Variants in BNC1 observed in about 807,000 individuals in gnomAD.
The protein encoded by BNC1 is zinc finger protein basonuclin-1.
A neutral mutation model predicts 66.5 loss-of-function variants in BNC1; 8 were observed. That is an observed-to-expected ratio of 0.12 (90% CI 0.07 to 0.22). The LOEUF (loss-of-function observed/expected upper bound fraction) is 0.22. Among genes scored for constraint, BNC1 ranks in the 10% least tolerant of loss-of-function variants. The probability of loss-of-function intolerance (pLI) is 1.00; values close to 1 mark genes in which losing one functional copy is unlikely to be tolerated. For missense variants in BNC1, 1,069 were observed against 1,241.3 expected (o/e 0.86, Z 2.09); for synonymous variants, 454 against 452.6 (o/e 1.00, Z -0.04).
At chr15:83,277,925 T>G (rs1291920540) in intron 1 of BNC1, among the ~76,000 whole-genome samples, 1 of 151,722 alleles carries the variant, frequency 6.6e-6, no homozygotes, top group Non-Finnish European at 1.5e-5. Flanking sequence ...AGAACTGGAT[T>G]TTTTTTTTCT....
chr15:83,284,125 A>AC (rs1293694319), intron 1 of BNC1, among the ~76,000 whole-genome samples: 1 of 150,338 alleles, frequency 6.7e-6, no homozygotes, highest in African/African-American at 2.4e-5. Flanking sequence ...GAAGGGGTCG[A>AC]CCCCCACAGG....
At chr15:83,283,223 T>C (rs1455858453) in intron 1 of BNC1, 13 of 1,535,560 alleles carry the variant, frequency 8.5e-6, no homozygotes, top group African/African-American at 4.1e-5. Flanking sequence ...TTGTGAAAGT[T>C]TGGCTCGGAG....
intron 1 of BNC1, among the ~76,000 whole-genome samples, chr15:83,280,793 G>A (rs920210777): frequency 6.6e-6 from 1 of 152,166 alleles, no homozygotes; most frequent in African/African-American, 2.4e-5. Flanking sequence ...ATCTGTAGGA[G>A]ACCATCAAAC....
intron 1 of BNC1, among the ~76,000 whole-genome samples, chr15:83,282,003 A>G (rs938482824): frequency 3.9e-5 from 6 of 152,256 alleles, no homozygotes; most frequent in Non-Finnish European, 7.3e-5. Context: ...GTTAGTCAAT[A>G]TTTCTAATGA....
In BNC1 at chr15:83,283,341, T is replaced by G; in HGVS notation, c.99+1189A>C. 3.5e-6 allele frequency: 5 copies of G among 1,428,050 alleles called. No homozygotes were observed. The South Asian group carries it at 7.0e-5, about 20-fold the overall frequency. 88.5% of individuals were successfully genotyped at this position (1,428,050 alleles called of 1,614,324 possible). ...CGGCAAAGCCAGGCGGCGGCGGGGC[T>G]CCGGGTCTGGGCGGCGGCTCCGGAG... On this transcript the variant is annotated intron_variant, in intron 1 of 4. Coordinates refer to ENST00000345382, the MANE Select transcript of BNC1 (RefSeq NM_001717.4).
rs913021232 is a variant in BNC1 at position 83,280,450 on chromosome 15, G to A, written c.99+4080C>T. ...TAAGCAATGCAACTTCACTACTGCT[G>A]CTGATACAAAATAAAGACGAAATTG... is the stretch of plus-strand genomic sequence containing the variant. On this transcript the variant is annotated intron_variant, in intron 1 of 4. Coordinates refer to ENST00000345382, the MANE Select transcript of BNC1 (RefSeq NM_001717.4). 6.6e-5 allele frequency among the ~76,000 whole-genome samples: 10 copies of A among 152,184 alleles called. No individual in the cohort carries two copies. In the South Asian group the frequency reaches 2.1e-3, roughly 31 times the overall value.
rs2038068630 is a variant in BNC1, at chr15:83,255,936, ACATTTGTAT to A, written c.*1497_*1505del. 6.5e-6 allele frequency: 1 copy of A among 152,674 alleles called. No homozygotes were observed. Among genetic ancestry groups the A allele is most frequent in the Admixed American group, 6.5e-5 (1 of 15,290 alleles). 9.5% of individuals were successfully genotyped at this position (152,674 alleles called of 1,614,324 possible). On this transcript the variant is annotated 3_prime_UTR_variant, in exon 5 of 5. Transcript: ENST00000345382. ...ATATATTTTTATTAAATCATAGAAA[ACATTTGTAT>A]ACAAATCTTTTCACTTTGGGAAGAC... is the stretch of plus-strand genomic sequence containing the variant.
intron 1 of BNC1, among the ~76,000 whole-genome samples, chr15:83,268,480 A>G (rs997387339): frequency 2.6e-5 from 4 of 152,178 alleles, no homozygotes; most frequent in African/African-American, 4.8e-5. Context: ...AGAACTTTTT[A>G]TAAGAAAAGA....
intron 1 of BNC1, among the ~76,000 whole-genome samples, chr15:83,277,106 G>A (rs948275885): frequency 1.4e-4 from 21 of 152,106 alleles, no homozygotes; most frequent in Non-Finnish European, 2.4e-4. Context: ...TTGAGACAGG[G>A]TCTTGTTCTG....
intron 4 of BNC1, 146 bp from the exon 5 acceptor site, chr15:83,258,272 C>T: frequency 3.7e-6 from 3 of 813,990 alleles, no homozygotes; most frequent in Non-Finnish European, 5.6e-6. Context: ...TGGGATGTAA[C>T]ACCTGTCTGG....
intron 1 of BNC1, among the ~76,000 whole-genome samples, chr15:83,273,881 G>A (rs2038293245): frequency 6.6e-6 from 1 of 152,106 alleles, no homozygotes; most frequent in Non-Finnish European, 1.5e-5. Context: ...GACAGAGTAG[G>A]TCTCTCATGG....
At chr15:83,281,207 C>T (rs148660600) in intron 1 of BNC1, among the ~76,000 whole-genome samples, 1,648 of 152,250 alleles carry the variant, frequency 0.011, 31 homozygotes, top group African/African-American at 0.038. Flanking sequence ...AGGAAAAGGA[C>T]TTCAAAGAAT....
intron 1 of BNC1, among the ~76,000 whole-genome samples, chr15:83,280,668 T>C (rs1219479894): frequency 6.6e-6 from 1 of 152,128 alleles, no homozygotes; most frequent in African/African-American, 2.4e-5. Flanking sequence ...ACCTTCATAA[T>C]GAATAATGCA....
In BNC1 at chr15:83,282,874, ACACT is replaced by A. The variant is rs575056712; in HGVS notation, c.99+1652_99+1655del. Among the ~76,000 whole-genome samples the A allele has an allele frequency of 4.6e-3, 699 of 152,264 alleles. 4 individuals are homozygous for A. The highest frequency in any genetic ancestry group is 7.4e-3 in the Non-Finnish European group (500 of 68,016). ...CACATGTTCTCTCTCCCTCACACAC[ACACT>A]CTCTCTCTCCCTGACAGGGATTCCC... On this transcript the variant is annotated intron_variant, in intron 1 of 4. Coordinates refer to ENST00000345382, the MANE Select transcript of BNC1 (RefSeq NM_001717.4).
chr15:83,257,740 C>T lies in BNC1; in HGVS notation c.2687G>A (p.Gly896Glu). The T allele has an allele frequency of 6.2e-7, 1 of 1,614,112 alleles. No individual in the cohort carries two copies. Among genetic ancestry groups the T allele is most frequent in the South Asian group, 1.1e-5 (1 of 91,078 alleles). Residue 896 changes from glycine (G) to glutamate (E), a missense_variant, in exon 5 of 5, where the codon GGG becomes GAG. Coordinates refer to ENST00000345382, the MANE Select transcript of BNC1 (RefSeq NM_001717.4). ...ATCTTCCCCAGGGACAAGGCTCGAC[C>T]CTTCACAGTTCCCATCACTGTCCTC... Reference protein sequence around the residue: ...LMEDSDGNCEGSSLVPGEDEY... With the variant: ...LMEDSDGNCEESSLVPGEDEY...
intron 1 of BNC1, 97 bp from the exon 2 acceptor site, chr15:83,268,329 C>T (rs11854520): frequency 0.3 from 339,966 of 1,130,750 alleles, 57,167 homozygotes; most frequent in African/African-American, 0.64. Context: ...TTCGGCAGCA[C>T]TTATTGAGCA....
Position 83,264,681 on chromosome 15 carries a change from C to T in BNC1, c.570G>A (p.Glu190=). The change falls in exon 4 of 5, where the codon GAG becomes GAA. Residue 190 remains glutamate, a synonymous_variant. Transcript: ENST00000345382. ...TGGAAGGTGGTATGATGATGGATTG[C>T]TCTTCTTTCTCTTGAATTGCCATGA... ...VELMAIQEKE[E]QSIIIPPSTA... The T allele has an allele frequency of 6.2e-7, 1 of 1,614,144 alleles. No homozygotes were observed. Among genetic ancestry groups the T allele is most frequent in the Non-Finnish European group, 8.5e-7 (1 of 1,180,020 alleles).
At chr15:83,276,811 G>C (rs2038327756) in intron 1 of BNC1, among the ~76,000 whole-genome samples, 1 of 152,148 alleles carries the variant, frequency 6.6e-6, no homozygotes, top group Non-Finnish European at 1.5e-5. Flanking sequence ...CTTTTAATTT[G>C]CAGCCAAATG....
chr15:83,284,438 G>A (rs11637794), intron 1 of BNC1, 92 bp downstream of exon 1: 4 of 843,250 alleles, frequency 4.7e-6, no homozygotes, highest in Admixed American at 5.9e-5. Flanking sequence ...GGTGGCCCTC[G>A]GGTACCCACG....
Sources: gnomAD v4.1 joint callset for allele counts (sites outside exome capture counted in the v4.1 genomes callset) on GRCh38, gnomAD v4.1.1 for gene constraint, MANE v1.5 for transcripts, NCBI Gene and HGNC (gene_info 2026-07-23, HGNC 2026-07-21) for gene names.